Variants in PLCL1 observed in about 807,000 individuals in gnomAD.
PLCL1 encodes the protein phospholipase C like 1 (inactive), also known as inactive phospholipase C-like protein 1.
Under a neutral mutation model 84.4 loss-of-function variants are expected in PLCL1, and 41 were observed. The ratio of observed to expected loss-of-function variants is 0.49; its 90% CI spans 0.38 to 0.63. The LOEUF is 0.63. Ranked by LOEUF, PLCL1 falls within the 30% of genes least tolerant of loss-of-function variation. The pLI is 0.00. For missense variants in PLCL1, 1,206 were observed against 1,367.8 expected, an observed-to-expected ratio of 0.88 and a Z score of 1.87; for synonymous variants, 490 against 488.3, an observed-to-expected ratio of 1.00 and a Z score of -0.05.
intron 1 of PLCL1, among the ~76,000 whole-genome samples, chr2:197,943,621 T>C (rs1227030961): frequency 7.0e-6 from 1 of 142,844 alleles, no homozygotes; most frequent in Non-Finnish European, 1.5e-5. Context: ...AAATTTTTGG[T>C]TACATCTTTT....
intron 5 of PLCL1, among the ~76,000 whole-genome samples, chr2:198,125,367 G>T (rs1469026295): frequency 6.6e-6 from 1 of 151,982 alleles, no homozygotes; most frequent in East Asian, 1.9e-4. Context: ...GGAACTAGGG[G>T]ATTTTTATAT....
At chr2:197,848,519 G>A (rs1687163376) in intron 1 of PLCL1, among the ~76,000 whole-genome samples, 2 of 152,138 alleles carry the variant, frequency 1.3e-5, no homozygotes, top group Non-Finnish European at 2.9e-5. Flanking sequence ...CTAGGCCGAG[G>A]TAGTTTGATG....
At chr2:197,954,095 A>G (rs76483077) in intron 1 of PLCL1, among the ~76,000 whole-genome samples, 201 of 152,196 alleles carry the variant, frequency 1.3e-3, no homozygotes, top group African/African-American at 4.3e-3. Context: ...TATCATTTGG[A>G]TACATGGATA....
chr2:198,130,245 G>T (rs960600860), intron 5 of PLCL1, among the ~76,000 whole-genome samples: 2 of 152,078 alleles, frequency 1.3e-5, no homozygotes, highest in Non-Finnish European at 2.9e-5. Flanking sequence ...CTTGATTTCT[G>T]GGACACCACC....
At chr2:197,934,030 C>G (rs1689000915) in intron 1 of PLCL1, among the ~76,000 whole-genome samples, 1 of 152,130 alleles carries the variant, frequency 6.6e-6, no homozygotes, top group East Asian at 1.9e-4. Flanking sequence ...CATTTTGGCT[C>G]AACACACTTA....
chr2:198,108,501 G>A (rs985215780), intron 5 of PLCL1, among the ~76,000 whole-genome samples: 1 of 151,848 alleles, frequency 6.6e-6, no homozygotes, highest in Non-Finnish European at 1.5e-5. Flanking sequence ...GCATGGAGTG[G>A]TGCAAAGGGG....
At chr2:197,903,468 ATTTTTTTTTTTTTTTT>A (rs3056105) in intron 1 of PLCL1, among the ~76,000 whole-genome samples, 29 of 47,796 alleles carry the variant, frequency 6.1e-4, no homozygotes, top group Non-Finnish European at 6.6e-4. Context: ...CTCCATTTAA[ATTTTTTTTTTTTTTTT>A]TTTTTTTTTT....
Position 198,085,580 on chromosome 2 carries a change from A to G in PLCL1, c.2063A>G (p.Asn688Ser). The G allele has an allele frequency of 1.9e-6, 3 of 1,614,058 alleles. No individual in the cohort carries two copies. The highest frequency in any genetic ancestry group is 2.5e-6 in the Non-Finnish European group (3 of 1,179,986). ...MDLHTGWFLQ[N>S]GGCGYVLRPS... The stretch of plus-strand genomic sequence containing the variant: ...CTTCACACGGGCTGGTTTCTTCAAA[A>G]CGGGGGATGTGGTTATGTTCTAAGG... Residue 688 changes from asparagine (N) to serine (S), a missense_variant, in exon 2 of 6, where the codon AAC (asparagine) becomes AGC (serine). Physicochemically the swap from Asn to Ser is conservative, Grantham distance 46. Coordinates refer to ENST00000428675, the MANE Select transcript of PLCL1 (RefSeq NM_006226.4). The surrounding 1 kb of genome is among the most constrained non-coding windows in gnomAD (Gnocchi z 5.3).
At position 198,148,212 on chromosome 2, in the gene PLCL1, G is replaced by A. The variant is rs537507897; in HGVS notation, c.*1250G>A. 5.4e-4 allele frequency: 82 copies of A among 152,350 alleles called. No homozygotes were observed. The highest frequency in any genetic ancestry group is 1.9e-3 in the African/African-American group (81 of 41,552). The allele number at this position is 152,350 out of a possible 1,614,324, so 9.4% of individuals were successfully genotyped here. On this transcript the variant is annotated 3_prime_UTR_variant, in exon 6 of 6. Transcript: ENST00000428675. ...TTATGAAAGAATATATTTATTTAAA[G>A]CATTGCTTTTATTTTGAAAAGCTTC...
intron 1 of PLCL1, among the ~76,000 whole-genome samples, chr2:197,926,111 T>G (rs1339934342): frequency 1.3e-5 from 2 of 152,176 alleles, no homozygotes; most frequent in African/African-American, 4.8e-5. Flanking sequence ...TCACAGCATG[T>G]CAGCAAATAA....
At chr2:197,923,959 C>CG (rs1397279243) in intron 1 of PLCL1, among the ~76,000 whole-genome samples, 2 of 151,736 alleles carry the variant, frequency 1.3e-5, no homozygotes, top group Non-Finnish European at 2.9e-5. Context: ...GGCTGGAGAC[C>CG]GGCCCGGCCA....
intron 1 of PLCL1, among the ~76,000 whole-genome samples, chr2:197,858,070 A>G (rs1249820568): frequency 4.6e-5 from 7 of 152,150 alleles, no homozygotes; most frequent in African/African-American, 1.2e-4. Context: ...GCAGTGGGGT[A>G]TGTTTCGGAA....
At chr2:198,063,504 A>T (rs929343368) in intron 1 of PLCL1, among the ~76,000 whole-genome samples, 1 of 152,192 alleles carries the variant, frequency 6.6e-6, no homozygotes, top group Non-Finnish European at 1.5e-5. Flanking sequence ...TACAAGTATG[A>T]TAGCATTGAT....
At chr2:198,139,724 T>C (rs1694338035) in intron 5 of PLCL1, among the ~76,000 whole-genome samples, 1 of 152,164 alleles carries the variant, frequency 6.6e-6, no homozygotes, top group South Asian at 2.1e-4. Flanking sequence ...CAGGCCAAAG[T>C]CTGGTATACA....
At chr2:197,929,933 A>G (rs1430712637) in intron 1 of PLCL1, among the ~76,000 whole-genome samples, 1 of 152,192 alleles carries the variant, frequency 6.6e-6, no homozygotes, top group Non-Finnish European at 1.5e-5. Context: ...CATTACCTAA[A>G]GTTGTTCTTT....
chr2:197,925,089 C>A (rs1209680691), intron 1 of PLCL1, among the ~76,000 whole-genome samples: 1 of 152,054 alleles, frequency 6.6e-6, no homozygotes, highest in African/African-American at 2.4e-5. Context: ...TTTGTGGACA[C>A]TGTTGTAGTT....
intron 1 of PLCL1, among the ~76,000 whole-genome samples, chr2:197,823,969 A>C (rs1250431230): frequency 6.6e-6 from 1 of 152,196 alleles, no homozygotes; most frequent in Non-Finnish European, 1.5e-5. Flanking sequence ...CTAGAGTAAA[A>C]GAATGAGCTA....
chr2:197,941,002 T>C (rs1689147405), intron 1 of PLCL1, among the ~76,000 whole-genome samples: 2 of 152,250 alleles, frequency 1.3e-5, no homozygotes, highest in East Asian at 3.9e-4. Context: ...CTTGCTGATA[T>C]GCTTTTTAAG....
At chr2:197,978,793 C>A (rs1690041819) in intron 1 of PLCL1, among the ~76,000 whole-genome samples, 1 of 152,218 alleles carries the variant, frequency 6.6e-6, no homozygotes, top group African/African-American at 2.4e-5. Flanking sequence ...GACACACACC[C>A]ACACTCACTC....
Sources: gnomAD v4.1 joint callset for allele counts (sites outside exome capture counted in the v4.1 genomes callset) on GRCh38, gnomAD v4.1.1 for gene constraint, Gnocchi (gnomAD v3.1) non-coding constraint, MANE v1.5 for transcripts, NCBI Gene and HGNC (gene_info 2026-07-23, HGNC 2026-07-21) for gene names.